The following DTNB variants were observed in gnomAD, a reference collection of about 807,000 sequenced individuals.
The protein encoded by DTNB is dystrobrevin beta, also known as DTN-B.
A neutral mutation model predicts 90.7 loss-of-function variants in DTNB; 63 were observed. That is an observed-to-expected ratio of 0.69 (90% confidence interval 0.57 to 0.86). DTNB has a LOEUF of 0.86. DTNB is among the 40% of genes least tolerant of loss of function. The pLI is 0.00. For missense variants in DTNB, 744 were observed against 807.1 expected (o/e 0.92, Z 0.95); for synonymous variants, 277 against 286.7 (o/e 0.97, Z 0.34).
chr2:25,564,711 ACT>A (rs1409010249), intron 8 of DTNB, among the ~76,000 whole-genome samples: 1 of 152,076 alleles, frequency 6.6e-6, no homozygotes, highest in Non-Finnish European at 1.5e-5. Context: ...CATGTTTTCC[ACT>A]TTTTAGTGCA....
intron 16 of DTNB, among the ~76,000 whole-genome samples, chr2:25,400,103 G>A (rs1472942848): frequency 1.3e-5 from 2 of 152,160 alleles, no homozygotes; most frequent in African/African-American, 4.8e-5. Context: ...AGGATACTCT[G>A]TATAAGATGG....
intron 8 of DTNB, among the ~76,000 whole-genome samples, chr2:25,557,387 C>T (rs557018613): frequency 7.9e-5 from 12 of 152,120 alleles, no homozygotes; most frequent in Non-Finnish European, 5.9e-5. Flanking sequence ...ATCGCTACAC[C>T]GGACACATCA....
At chr2:25,506,536 A>G (rs1350321430) in intron 9 of DTNB, among the ~76,000 whole-genome samples, 2 of 152,038 alleles carry the variant, frequency 1.3e-5, no homozygotes, top group Non-Finnish European at 2.9e-5. Flanking sequence ...CCACTCTCCA[A>G]CAGACACTGG....
chr2:25,411,606 A>G (rs1329193652), intron 16 of DTNB, among the ~76,000 whole-genome samples: 1 of 152,170 alleles, frequency 6.6e-6, no homozygotes, highest in African/African-American at 2.4e-5. Flanking sequence ...TCCTACGTAT[A>G]GCACAGCGAT....
chr2:25,399,989 C>T (rs554665511), intron 16 of DTNB, among the ~76,000 whole-genome samples: 11 of 152,296 alleles, frequency 7.2e-5, no homozygotes, highest in African/African-American at 2.6e-4. Context: ...CACGTCATGG[C>T]ATATTCTGCT....
chr2:25,571,789 T>C (rs2059905326), intron 8 of DTNB, among the ~76,000 whole-genome samples: 1 of 152,072 alleles, frequency 6.6e-6, no homozygotes, highest in African/African-American at 2.4e-5. Context: ...ACCATTCTAT[T>C]TGGTCAATGT....
At chr2:25,469,398 C>T (rs1184998541) in intron 10 of DTNB, among the ~76,000 whole-genome samples, 2 of 152,148 alleles carry the variant, frequency 1.3e-5, no homozygotes, top group Non-Finnish European at 2.9e-5. Context: ...GCTGGGGAGA[C>T]AGGCTGGGCA....
At position 25,626,690 on chromosome 2, in the gene DTNB, T is replaced by C. The variant is rs2074237163; in HGVS notation, c.362+1481A>G. On this transcript the variant is annotated intron_variant, in intron 4 of 20. Coordinates refer to ENST00000406818, the MANE Select transcript of DTNB (RefSeq NM_021907.5). ...ATAAAAATGGTGTGAATTTAGTGAG[T>C]GCTTAAATTATGACTTGGCTTTGAC... Among the ~76,000 whole-genome samples, 3 of 152,232 alleles carry C rather than the reference T, an allele frequency of 2.0e-5. No individual in the cohort carries two copies. In the South Asian group the frequency reaches 6.2e-4, roughly 31 times the overall value.
At chr2:25,390,243 T>C (rs2040720486) in intron 16 of DTNB, among the ~76,000 whole-genome samples, 1 of 152,176 alleles carries the variant, frequency 6.6e-6, no homozygotes, top group Non-Finnish European at 1.5e-5. Flanking sequence ...CTTTCCATGA[T>C]ACAAATAAAT....
At chr2:25,658,029 G>A (rs992173300) in intron 1 of DTNB, among the ~76,000 whole-genome samples, 3 of 152,076 alleles carry the variant, frequency 2.0e-5, no homozygotes, top group Admixed American at 2.0e-4. Flanking sequence ...GGCCGAGGTG[G>A]GTGGATCATC....
chr2:25,591,255 C>A (rs545538129), intron 6 of DTNB, among the ~76,000 whole-genome samples: 1 of 152,330 alleles, frequency 6.6e-6, no homozygotes, highest in East Asian at 1.9e-4. Context: ...GCAGCCATGG[C>A]TTGACCGGCT....
chr2:25,609,435 C>A (rs1396191931), intron 4 of DTNB, among the ~76,000 whole-genome samples: 2 of 151,956 alleles, frequency 1.3e-5, no homozygotes, highest in East Asian at 3.9e-4. Flanking sequence ...TCCGTCTCTA[C>A]TAAAAATACA....
chr2:25,604,427 G>C (rs1014419436), intron 5 of DTNB, among the ~76,000 whole-genome samples: 1 of 143,384 alleles, frequency 7.0e-6, no homozygotes, highest in Non-Finnish European at 1.5e-5. Context: ...TTCTTTTCTT[G>C]AGACAGTCTC....
At chr2:25,529,414 TA>T (rs2077727094) in intron 9 of DTNB, among the ~76,000 whole-genome samples, 1 of 150,794 alleles carries the variant, frequency 6.6e-6, no homozygotes, top group South Asian at 2.1e-4. Flanking sequence ...CTTTAAAACC[TA>T]AAGAAAAAAG....
chr2:25,571,437 T>C (rs2059850633), intron 8 of DTNB, among the ~76,000 whole-genome samples: 1 of 152,144 alleles, frequency 6.6e-6, no homozygotes, highest in African/African-American at 2.4e-5. Flanking sequence ...ACATTAATGT[T>C]TTCACCTTGT....
intron 12 of DTNB, 144 bp from the exon 13 acceptor site, chr2:25,434,139 A>G: frequency 4.3e-6 from 3 of 703,204 alleles, no homozygotes; most frequent in Non-Finnish European, 6.9e-6. Context: ...CAATTCAATG[A>G]GTCTTAGTAA....
intron 9 of DTNB, among the ~76,000 whole-genome samples, chr2:25,525,237 A>C (rs987546415): frequency 1.3e-5 from 2 of 152,252 alleles, no homozygotes; most frequent in African/African-American, 4.8e-5. Context: ...GTATAAAATC[A>C]TGAATACCAA....
At chr2:25,406,969 T>C (rs993485445) in intron 16 of DTNB, among the ~76,000 whole-genome samples, 15 of 152,300 alleles carry the variant, frequency 9.8e-5, no homozygotes, top group African/African-American at 2.9e-4. Flanking sequence ...ATTTCCAATG[T>C]GAAAGCAATT....
intron 12 of DTNB, among the ~76,000 whole-genome samples, chr2:25,451,265 T>C (rs1009085638): frequency 3.3e-5 from 5 of 152,234 alleles, no homozygotes; most frequent in East Asian, 1.9e-4. Context: ...TCCTCCAGTA[T>C]AATTTAGAAT....
Sources: gnomAD v4.1 joint callset for allele counts (sites outside exome capture counted in the v4.1 genomes callset) on GRCh38, gnomAD v4.1.1 for gene constraint, MANE v1.5 for transcripts, NCBI Gene and HGNC (gene_info 2026-07-23, HGNC 2026-07-21) for gene names.